The following MAPT variants were observed in gnomAD, a reference collection of about 807,000 sequenced individuals.
MAPT encodes microtubule associated protein tau, also known as microtubule-associated protein tau.
A neutral mutation model predicts 67.9 loss-of-function variants in MAPT; 34 were observed. The observed-to-expected ratio is 0.50, with a 90% CI of 0.38 to 0.67. MAPT has a LOEUF of 0.67. Among genes scored for constraint, MAPT ranks in the 30% least tolerant of loss-of-function variants. The pLI, the probability that MAPT is intolerant of heterozygous loss-of-function variation, is 0.00. For missense variants in MAPT, 881 were observed against 1,115.2 expected (o/e 0.79, Z 2.99); for synonymous variants, 456 against 464.5 (o/e 0.98, Z 0.23).
chr17:45,910,411 C>T (rs1165039182), intron 1 of MAPT, among the ~76,000 whole-genome samples: 3 of 152,016 alleles, frequency 2.0e-5, no homozygotes, highest in Admixed American at 6.5e-5. Flanking sequence ...GTAGGGGATT[C>T]GAACCCAGGA....
intron 9 of MAPT, among the ~76,000 whole-genome samples, chr17:46,004,040 T>C (rs992819387): frequency 4.9e-4 from 74 of 152,206 alleles, no homozygotes; most frequent in African/African-American, 1.7e-3. Context: ...AGGAGGCTTG[T>C]GTGGGCATCC....
chr17:45,936,884 C>T (rs913054792), intron 1 of MAPT, among the ~76,000 whole-genome samples: 1 of 152,158 alleles, frequency 6.6e-6, no homozygotes, highest in Non-Finnish European at 1.5e-5. Context: ...ATATGCCTCC[C>T]AAATACACAC....
At chr17:45,935,231 C>T (rs952145109) in intron 1 of MAPT, among the ~76,000 whole-genome samples, 3 of 152,118 alleles carry the variant, frequency 2.0e-5, no homozygotes, top group African/African-American at 7.2e-5. Context: ...GGCTGGGATG[C>T]TGGCTCTTCC....
chr17:46,002,753 T>C (rs1244099142), intron 9 of MAPT, among the ~76,000 whole-genome samples: 1 of 152,134 alleles, frequency 6.6e-6, no homozygotes, highest in African/African-American at 2.4e-5. Context: ...GGCCGCAGCC[T>C]GGGTGGCTGC....
In MAPT at chr17:46,027,003, TCCA is replaced by T. The variant is rs2076832032; in HGVS notation, c.*2836_*2838del. 2 of 152,230 alleles carry T rather than the reference TCCA, an allele frequency of 1.3e-5. No individual in the cohort carries two copies. Among genetic ancestry groups the T allele is most frequent in the Non-Finnish European group, 2.9e-5 (2 of 68,018 alleles). The allele number at this position is 152,230 out of a possible 1,614,324, so 9.4% of individuals were successfully genotyped here. A position where few individuals can be genotyped will look rare whatever the true frequency, so the allele number is the denominator to read the frequency against. On this transcript the variant is annotated 3_prime_UTR_variant, in exon 13 of 13. Coordinates refer to ENST00000262410, the MANE Select transcript of MAPT (RefSeq NM_001377265.1). ...AAGGAAGTCTCTGGGCCCAGAACTC[TCCA>T]CCAAGAGCCTCCCTGCCGTTCGCTG...
chr17:45,914,503 G>A (rs1244971436), intron 1 of MAPT, among the ~76,000 whole-genome samples: 1 of 152,168 alleles, frequency 6.6e-6, no homozygotes, highest in Admixed American at 6.5e-5. Flanking sequence ...AGTGAGAAAA[G>A]CAGTGAGGAA....
chr17:45,975,642 C>G (rs2145529733), intron 3 of MAPT: 1 of 152,326 alleles, frequency 6.6e-6, no homozygotes, highest in East Asian at 1.9e-4. Flanking sequence ...AAACTCTAGC[C>G]AACTCTTGAC....
At chr17:45,923,875 A>G (rs2066002890) in intron 1 of MAPT, among the ~76,000 whole-genome samples, 1 of 152,174 alleles carries the variant, frequency 6.6e-6, no homozygotes, top group Non-Finnish European at 1.5e-5. Context: ...CAACCTCTCC[A>G]TGCCTGAGTT....
intron 3 of MAPT, chr17:45,973,834 G>A (rs1334448396): frequency 6.4e-6 from 1 of 157,292 alleles, no homozygotes; most frequent in African/African-American, 2.4e-5. Flanking sequence ...GCCATGCAAG[G>A]GACTCTGCAC....
intron 9 of MAPT, among the ~76,000 whole-genome samples, chr17:46,000,087 A>G (rs1273928507): frequency 1.3e-5 from 2 of 152,086 alleles, no homozygotes; most frequent in African/African-American, 4.8e-5. Flanking sequence ...AGTGCTCAAT[A>G]AATGTTTGGC....
At chr17:45,924,091 A>G (rs2066024055) in intron 1 of MAPT, among the ~76,000 whole-genome samples, 1 of 152,208 alleles carries the variant, frequency 6.6e-6, no homozygotes, top group Non-Finnish European at 1.5e-5. Context: ...ACATTTCACA[A>G]CCAAGCTCTG....
Position 45,983,894 on chromosome 17 carries a change from C to T in MAPT, c.1315C>T (p.Arg439Trp), listed in dbSNP as rs746015606. The change falls in exon 5 of 13, where the codon CGG (arginine) becomes TGG (tryptophan). Residue 439 changes from arginine to tryptophan, a missense_variant. This residue lies in a region of MAPT where 687 missense variants were observed against 766.1 expected (regional missense o/e 0.90). Coordinates refer to ENST00000262410, the MANE Select transcript of MAPT (RefSeq NM_001377265.1). ...TGAAAAGCAGCCTGCTGCTGCTCCG[C>T]GGGGGAAGCCCGTCAGCCGGGTCCC... ...PSEKQPAAAP[R>W]GKPVSRVPQL... The T allele has an allele frequency of 5.0e-6, 8 of 1,584,932 alleles. No homozygotes were observed. The Admixed American group carries it at 5.7e-5, about 11-fold the overall frequency.
At chr17:45,899,509 A>T (rs1400872685) in intron 1 of MAPT, among the ~76,000 whole-genome samples, 4 of 152,206 alleles carry the variant, frequency 2.6e-5, no homozygotes, top group Non-Finnish European at 4.4e-5. Context: ...GAGGGTTAGT[A>T]ACTTGCTAAA....
In MAPT at chr17:45,996,406, T is replaced by C. The variant is rs1217620441; in HGVS notation, c.1740T>C (p.Pro580=). The C allele has an allele frequency of 6.2e-7, 1 of 1,611,734 alleles. No individual in the cohort carries two copies. Among genetic ancestry groups the C allele is most frequent in the Non-Finnish European group, 8.5e-7 (1 of 1,179,932 alleles). The part of the protein sequence containing the change: ...APKTPPSSGE[P]PKSGDRSGYS... ...CCCTTCCTTCCTTCCCAGGTGAACC[T>C]CCAAAATCAGGGGATCGCAGCGGCT... The change falls in exon 9 of 13, where the codon CCT becomes CCC. Residue 580 remains proline (P), a synonymous_variant. Coordinates refer to ENST00000262410, the MANE Select transcript of MAPT (RefSeq NM_001377265.1). This position sits in a 1 kb window ranked among gnomAD's most constrained non-coding sequence, Gnocchi z 4.5.
intron 8 of MAPT, chr17:45,993,840 G>A: frequency 7.1e-7 from 1 of 1,402,196 alleles, no homozygotes; most frequent in Non-Finnish European, 9.9e-7. Context: ...TGGGCCAGCT[G>A]TGGGTGCCTG....
chr17:46,007,447 A>C (rs922236011), intron 9 of MAPT, among the ~76,000 whole-genome samples: 2 of 152,180 alleles, frequency 1.3e-5, no homozygotes, highest in Non-Finnish European at 2.9e-5. Flanking sequence ...CGATGGCGCC[A>C]CTGCATTCCA....
intron 10 of MAPT, among the ~76,000 whole-genome samples, chr17:46,011,987 C>T (rs2075850261): frequency 6.6e-6 from 1 of 152,214 alleles, no homozygotes; most frequent in Non-Finnish European, 1.5e-5. Flanking sequence ...CTCCTGTCCC[C>T]CCAGTTTGTC....
chr17:45,904,862 G>A (rs924201514), intron 1 of MAPT, among the ~76,000 whole-genome samples: 88 of 152,086 alleles, frequency 5.8e-4, no homozygotes, highest in African/African-American at 1.9e-3. Flanking sequence ...AATAAGCCAA[G>A]CAAAGGTTAT....
intron 1 of MAPT, among the ~76,000 whole-genome samples, chr17:45,913,935 G>A (rs1189414053): frequency 6.6e-6 from 1 of 152,138 alleles, no homozygotes. Flanking sequence ...CACTGTTGGA[G>A]CTTTAAGGAG....
Sources: allele counts gnomAD v4.1 joint callset (sites outside exome capture counted in the v4.1 genomes callset), GRCh38; gene constraint gnomAD v4.1.1; regional missense constraint gnomAD v4.1.1; non-coding constraint Gnocchi (gnomAD v3.1); transcripts MANE v1.5; gene names NCBI Gene and HGNC (gene_info 2026-07-23, HGNC 2026-07-21).